The following SLC7A10 variants were observed in gnomAD, a reference collection of about 807,000 sequenced individuals.
SLC7A10 encodes the protein solute carrier family 7 member 10.
Under a neutral mutation model 52.7 loss-of-function variants are expected in SLC7A10, and 30 were observed. The ratio of observed to expected loss-of-function variants is 0.57; its 90% CI spans 0.43 to 0.77. The LOEUF (loss-of-function observed/expected upper bound fraction) is 0.77, where lower values mean the gene tolerates loss of function less well. Among genes scored for constraint, SLC7A10 ranks in the 30% least tolerant of loss-of-function variants. The pLI is 0.00. For synonymous variants in SLC7A10, 318 were observed against 314.9 expected, an observed-to-expected ratio of 1.01 and a Z score of -0.10; for missense variants, 581 against 698.5, an observed-to-expected ratio of 0.83 and a Z score of 1.90.
intron 2 of SLC7A10, among the ~76,000 whole-genome samples, chr19:33,215,068 C>T (rs1599951229): frequency 1.3e-5 from 2 of 152,070 alleles, no homozygotes; most frequent in East Asian, 3.9e-4. Context: ...GAGTTCAAGA[C>T]CAGCCTGGCC....
Position 33,209,456 on chromosome 19 carries a change from C to T in SLC7A10, c.1293G>A (p.Leu431=). Residue 431 remains leucine (L), a synonymous_variant, in exon 10 of 11, where the codon TTG becomes TTA. Coordinates refer to ENST00000253188, the MANE Select transcript of SLC7A10 (RefSeq NM_019849.3). The stretch of plus-strand genomic sequence containing the variant: ...AGACCAGCAGGAAGGCCCAGAAGAC[C>T]AAGTACGCCACGGGGATGAGAAGGT... ...KVNLLIPVAY[L]VFWAFLLVFS... 6.2e-7 allele frequency: 1 copy of T among 1,613,956 alleles called. No homozygotes were observed. The highest frequency in any genetic ancestry group is 8.5e-7 in the Non-Finnish European group (1 of 1,179,998).
intron 2 of SLC7A10, 36 bp downstream of exon 2, chr19:33,215,733 A>G: frequency 6.5e-7 from 1 of 1,543,684 alleles, no homozygotes; most frequent in Non-Finnish European, 8.8e-7. Context: ...CATTCCCAAG[A>G]GGGTGTCCCC....
Position 33,209,435 on chromosome 19 carries a change from C to A in SLC7A10, c.1314G>T (p.Leu438=). ...TAGGCTCTGAGATGAAGCTGAAGACCAGCAGGAAGGCCCAGAAGACCAAGT... is the reference window on the plus strand; with the variant it reads ...TAGGCTCTGAGATGAAGCTGAAGACAAGCAGGAAGGCCCAGAAGACCAAGT... ...VAYLVFWAFL[L]VFSFISEPMV... is the part of the protein sequence containing the mutation. The change falls in exon 10 of 11, where the codon CTG becomes CTT. Residue 438 remains leucine, a synonymous_variant. Transcript: ENST00000253188. 1.9e-6 allele frequency: 3 copies of A among 1,614,048 alleles called. No homozygotes were observed. The highest frequency in any genetic ancestry group is 2.5e-6 in the Non-Finnish European group (3 of 1,180,008).
intron 1 of SLC7A10, among the ~76,000 whole-genome samples, chr19:33,216,731 C>A (rs1486436320): frequency 6.6e-6 from 1 of 152,138 alleles, no homozygotes; most frequent in Non-Finnish European, 1.5e-5. Flanking sequence ...TGAGCCACCA[C>A]GCCTGGCTAA....
chr19:33,224,608 G>C (rs567368194), intron 1 of SLC7A10, among the ~76,000 whole-genome samples: 2 of 152,152 alleles, frequency 1.3e-5, no homozygotes, highest in Non-Finnish European at 2.9e-5. Context: ...CTGGCTGGCG[G>C]TAAGGTGAGA....
At chr19:33,218,028 T>G (rs1974726615) in intron 1 of SLC7A10, 1 of 152,266 alleles carries the variant, frequency 6.6e-6, no homozygotes, top group Non-Finnish European at 1.5e-5. Flanking sequence ...CAGCAGGGCC[T>G]CTGTTCTCAG....
intron 4 of SLC7A10, 25 bp downstream of exon 4, chr19:33,212,489 G>A (rs377091118): frequency 2.7e-5 from 43 of 1,613,842 alleles, no homozygotes; most frequent in Non-Finnish European, 3.3e-5. Context: ...TCCCCAGCCC[G>A]GCCCTTACCC....
intron 1 of SLC7A10, among the ~76,000 whole-genome samples, chr19:33,216,606 C>A (rs2145483751): frequency 6.6e-6 from 1 of 152,088 alleles, no homozygotes; most frequent in Middle Eastern, 3.4e-3. Context: ...CTTTCCTTTC[C>A]TTTCTCCTTT....
At chr19:33,219,041 GC>G (rs1319035247) in intron 1 of SLC7A10, among the ~76,000 whole-genome samples, 1 of 152,026 alleles carries the variant, frequency 6.6e-6, no homozygotes, top group Non-Finnish European at 1.5e-5. Context: ...ATACCGCTGA[GC>G]CCCTGTTGGG....
intron 1 of SLC7A10, among the ~76,000 whole-genome samples, chr19:33,221,872 G>A (rs538644432): frequency 6.6e-6 from 1 of 152,334 alleles, no homozygotes; most frequent in East Asian, 1.9e-4. Flanking sequence ...TGTGTTCCTT[G>A]GGTTGTGGAT....
rs75404228 is a variant in SLC7A10, at chr19:33,219,248, C to T, written c.152-3275G>A. 9.2e-3 allele frequency among the ~76,000 whole-genome samples: 1,395 copies of T among 152,286 alleles called. 20 individuals carry two copies. The highest frequency in any genetic ancestry group is 0.043 in the South Asian group (208 of 4,832). On this transcript the variant is annotated intron_variant, in intron 1 of 10. Transcript: ENST00000253188. ...CACCCGCCCCTCTTCCCTGAGCCTT[C>T]GCTGGGTAGCTTTTATCACATTAAG...
chr19:33,211,277 C>T lies in SLC7A10; in HGVS notation c.964G>A (p.Val322Met), dbSNP rs753885003. ...GYFSWVMPVS[V>M]ALSTFGGING... is the part of the protein sequence containing the mutation. ...ATCCCTCCGAAGGTTGACAGAGCCA[C>T]GGAGACAGGCATGACCCAAGAAAAG... is the stretch of plus-strand genomic sequence containing the variant. The change falls in exon 7 of 11, where the codon GTG becomes ATG. Residue 322 changes from valine (V) to methionine (M), a missense_variant. Transcript: ENST00000253188. 18 of 1,613,926 alleles carry T rather than the reference C, an allele frequency of 1.1e-5. No individual in the cohort carries two copies. The highest frequency in any genetic ancestry group is 3.3e-5 in the Admixed American group (2 of 60,004).
At chr19:33,214,788 A>G (rs1000269239) in intron 2 of SLC7A10, among the ~76,000 whole-genome samples, 1 of 152,194 alleles carries the variant, frequency 6.6e-6, no homozygotes, top group African/African-American at 2.4e-5. Flanking sequence ...CCTCTTGTAC[A>G]CACTCTCAAA....
rs769406042 is a variant in SLC7A10, at chr19:33,211,341, A to G, written c.913-13T>C. 2 of 1,613,040 alleles carry G rather than the reference A, an allele frequency of 1.2e-6. No homozygotes were observed. Among genetic ancestry groups the G allele is most frequent in the South Asian group, 1.1e-5 (1 of 90,938 alleles). On this transcript the variant is annotated splice_polypyrimidine_tract_variant and intron_variant, in intron 6 of 10. Transcript: ENST00000253188. ...TCTCCCCGAAGGTCTGGGTGGGCAC[A>G]GTAGAGAGGCCATGTGTAAGGCCGG... is the stretch of plus-strand genomic sequence containing the variant.
intron 1 of SLC7A10, among the ~76,000 whole-genome samples, chr19:33,216,897 C>T (rs149990523): frequency 6.9e-4 from 104 of 151,542 alleles, no homozygotes; most frequent in African/African-American, 2.4e-3. Context: ...TTCATTTAGA[C>T]AGGGTCTCGC....
intron 10 of SLC7A10, 86 bp from the exon 11 acceptor site, chr19:33,209,107 T>C: frequency 6.3e-7 from 1 of 1,595,508 alleles, no homozygotes; most frequent in Non-Finnish European, 8.5e-7. Flanking sequence ...TGGGCAGGGG[T>C]CTTCAGGGAG....
intron 1 of SLC7A10, among the ~76,000 whole-genome samples, chr19:33,224,382 A>G (rs1002250861): frequency 1.3e-5 from 2 of 151,990 alleles, no homozygotes; most frequent in South Asian, 2.1e-4. Context: ...ACAGCATTCT[A>G]AGGGGAGGGG....
Position 33,210,906 on chromosome 19 carries a change from TG to T in SLC7A10, c.1017-9del, listed in dbSNP as rs781650281. 1 of 1,612,830 alleles carries T rather than the reference TG, an allele frequency of 6.2e-7. No individual in the cohort carries two copies. The highest frequency in any genetic ancestry group is 8.5e-7 in the Non-Finnish European group (1 of 1,179,648). ...GCTCCAGAGAAGCACAGCCTAGCGT[TG>T]GGGACAGATATGGGCACTGGCCACA... On this transcript the variant is annotated splice_polypyrimidine_tract_variant and intron_variant, in intron 7 of 10. Transcript: ENST00000253188. The surrounding 1 kb of genome is among the most constrained non-coding windows in gnomAD (Gnocchi z 5.6).
At chr19:33,225,225 A>C (rs1974896559) in intron 1 of SLC7A10, among the ~76,000 whole-genome samples, 1 of 152,248 alleles carries the variant, frequency 6.6e-6, no homozygotes, top group Non-Finnish European at 1.5e-5. Flanking sequence ...GCAGGACTGC[A>C]GTCATGGCCA....
Sources: allele counts gnomAD v4.1 joint callset (sites outside exome capture counted in the v4.1 genomes callset), GRCh38; gene constraint gnomAD v4.1.1; non-coding constraint Gnocchi (gnomAD v3.1); transcripts MANE v1.5; gene names NCBI Gene and HGNC (gene_info 2026-07-23, HGNC 2026-07-21).